The following OGA variants were observed in gnomAD, a reference collection of about 807,000 sequenced individuals.
The protein encoded by OGA is protein O-GlcNAcase.
OGA carries 21 observed loss-of-function variants against 102.0 expected under a neutral mutation model. That is an observed-to-expected ratio of 0.21 (90% CI 0.15 to 0.30). The LOEUF is 0.30. Ranked by LOEUF, OGA falls within the 10% of genes least tolerant of loss-of-function variation. The pLI is 1.00. For synonymous variants in OGA, 408 were observed against 378.2 expected, an observed-to-expected ratio of 1.08 and a Z score of -0.91; for missense variants, 765 against 1,107.8, an observed-to-expected ratio of 0.69 and a Z score of 4.39.
chr10:101,804,601 T>C (rs2065442324), intron 6 of OGA, among the ~76,000 whole-genome samples: 1 of 152,102 alleles, frequency 6.6e-6, no homozygotes, highest in African/African-American at 2.4e-5. Flanking sequence ...TAACAACGTT[T>C]CTTTTTCTGA....
intron 10 of OGA, chr10:101,797,605 T>A (rs1467066641): frequency 2.6e-6 from 1 of 380,586 alleles, no homozygotes; most frequent in African/African-American, 2.1e-5. Context: ...ATTAATGTTA[T>A]CAAGACACAG....
chr10:101,787,737 G>T, intron 14 of OGA: 3 of 493,534 alleles, frequency 6.1e-6, no homozygotes, highest in South Asian at 2.6e-5. Flanking sequence ...AGAGGGGCAG[G>T]CATTCTCCCT....
Position 101,792,867 on chromosome 10 carries a change from G to A in OGA, c.2147C>T (p.Thr716Ile). 4 of 1,610,784 alleles carry A rather than the reference G, an allele frequency of 2.5e-6. No homozygotes were observed. The highest frequency in any genetic ancestry group is 3.4e-6 in the Non-Finnish European group (4 of 1,176,994). The change falls in exon 12 of 16, where the codon ACT (threonine) becomes ATT (isoleucine). Residue 716 changes from threonine to isoleucine, a missense_variant. Transcript: ENST00000361464. ...PPLTPTSKVY[T>I]IRPYFPKDEA... ...ATCCTTAGGAAAATAAGGTCTGATAGTATAAACTTTGGAGGTAGGAGTCAG... is the reference window on the plus strand; with the variant it reads ...ATCCTTAGGAAAATAAGGTCTGATAATATAAACTTTGGAGGTAGGAGTCAG...
intron 1 of OGA, among the ~76,000 whole-genome samples, chr10:101,814,571 CAG>C (rs1459074718): frequency 1.3e-5 from 2 of 152,138 alleles, no homozygotes; most frequent in African/African-American, 4.8e-5. Context: ...GCCTAGGTGA[CAG>C]AGCAAAACTC....
chr10:101,808,766 G>A (rs1286788709), intron 4 of OGA, among the ~76,000 whole-genome samples: 2 of 152,016 alleles, frequency 1.3e-5, no homozygotes, highest in African/African-American at 2.4e-5. Context: ...TTAGGAGTTC[G>A]AGACCAGCCT....
chr10:101,812,099 G>T (rs2065565808), intron 3 of OGA, among the ~76,000 whole-genome samples: 1 of 152,124 alleles, frequency 6.6e-6, no homozygotes, highest in Non-Finnish European at 1.5e-5. Context: ...CAAATATCTT[G>T]TTAGCTATAT....
At chr10:101,793,000 A>C in intron 11 of OGA, 57 bp from the exon 12 acceptor site, 1 of 1,393,284 alleles carries the variant, frequency 7.2e-7, no homozygotes, top group Non-Finnish European at 1.0e-6. Flanking sequence ...CATTTTTTTA[A>C]ATGGGTGTGC....
intron 7 of OGA, 28 bp downstream of exon 7, chr10:101,803,707 G>T: frequency 6.3e-7 from 1 of 1,589,542 alleles, no homozygotes; most frequent in Non-Finnish European, 8.6e-7. Context: ...CTCCTCCCAA[G>T]GTGAAAGATC....
chr10:101,792,446 ACT>A (rs1491128492), intron 12 of OGA, among the ~76,000 whole-genome samples: 1 of 152,186 alleles, frequency 6.6e-6, no homozygotes, highest in Non-Finnish European at 1.5e-5. Context: ...TGGCCCTGTT[ACT>A]GTCTTTAAAC....
At chr10:101,812,698 C>A in intron 3 of OGA, 1 of 327,450 alleles carries the variant, frequency 3.1e-6, no homozygotes, top group South Asian at 3.3e-5. Flanking sequence ...GTACGTGCCT[C>A]ACTTGCCTTG....
chr10:101,802,729 C>CT (rs1564645771), intron 7 of OGA, among the ~76,000 whole-genome samples: 1 of 151,834 alleles, frequency 6.6e-6, no homozygotes, highest in African/African-American at 2.4e-5. Flanking sequence ...GAACATGCAT[C>CT]TGCCCCATGA....
rs756950865 is a variant in OGA at position 101,798,849 on chromosome 10, G to A, written c.1802C>T (p.Ser601Phe). 1 of 1,610,004 alleles carries A rather than the reference G, an allele frequency of 6.2e-7. No homozygotes were observed. ...TACATTAAACATACTCACTTTTTCA[G>A]AGTCTTTTCCTTTGCAATTGACACT... ...VVSVNCKGKDSEKIEEWRSRA... is the reference protein window; with the variant it reads ...VVSVNCKGKDFEKIEEWRSRA... Residue 601 changes from serine to phenylalanine, a missense_variant, in exon 9 of 16, where the codon TCT becomes TTT. By Grantham distance (155) the Ser-to-Phe change is radical (BLOSUM62 -2). Transcript: ENST00000361464.
Position 101,784,816 on chromosome 10 carries a change from AAG to A in OGA, c.*1633_*1634del, listed in dbSNP as rs1474042013. On this transcript the variant is annotated 3_prime_UTR_variant, in exon 16 of 16. Coordinates refer to ENST00000361464, the MANE Select transcript of OGA (RefSeq NM_012215.5). The stretch of plus-strand genomic sequence containing the variant: ...AAACTCAGCTGTCTTACTATCTGGT[AAG>A]AGTCTTCCCTTCATCTCAAGCCCTC... 1.3e-5 allele frequency: 2 copies of A among 152,248 alleles called. No individual in the cohort carries two copies. The highest frequency in any genetic ancestry group is 2.4e-5 in the African/African-American group (1 of 41,464). The allele number at this position is 152,248 out of a possible 1,614,324, so 9.4% of individuals were successfully genotyped here.
chr10:101,807,260 C>T (rs1246708378), intron 5 of OGA, among the ~76,000 whole-genome samples: 1 of 152,030 alleles, frequency 6.6e-6, no homozygotes, highest in Non-Finnish European at 1.5e-5. Flanking sequence ...ATGAAAGAAA[C>T]CAGAGGGGCA....
intron 14 of OGA, among the ~76,000 whole-genome samples, chr10:101,789,274 G>A (rs938370174): frequency 5.3e-5 from 8 of 152,180 alleles, no homozygotes; most frequent in African/African-American, 1.9e-4. Context: ...TGAGGAGGGC[G>A]GATCACCTGA....
chr10:101,814,712 C>T (rs1455338027), intron 1 of OGA, among the ~76,000 whole-genome samples: 1 of 152,192 alleles, frequency 6.6e-6, no homozygotes, highest in East Asian at 1.9e-4. Flanking sequence ...ATCTTAATTA[C>T]AGAGCAAAGA....
In OGA at chr10:101,802,413, C is replaced by T. The variant is rs953952874; in HGVS notation, c.1036+1322G>A. ...GAATGGCTGGGCGCGATGGCTCACGCCTGTAATCCCAGCACTTTGGGAAGC... is the reference window on the plus strand; with the variant it reads ...GAATGGCTGGGCGCGATGGCTCACGTCTGTAATCCCAGCACTTTGGGAAGC... On this transcript the variant is annotated intron_variant, in intron 7 of 15. Coordinates refer to ENST00000361464, the MANE Select transcript of OGA (RefSeq NM_012215.5). 4.6e-5 allele frequency among the ~76,000 whole-genome samples: 7 copies of T among 152,374 alleles called. 1 individual carries two copies. In the South Asian group the frequency reaches 1.0e-3, roughly 23 times the overall value.
intron 1 of OGA, among the ~76,000 whole-genome samples, chr10:101,816,605 CAATA>C (rs1179763447): frequency 2.0e-5 from 3 of 152,126 alleles, no homozygotes; most frequent in African/African-American, 7.2e-5. Flanking sequence ...GCACTCAAGC[CAATA>C]AATACAACGA....
rs547594452 is a variant in OGA, at chr10:101,794,831, G to A, written c.1985-833C>T. Among the ~76,000 whole-genome samples the A allele has an allele frequency of 7.9e-5, 12 of 152,278 alleles. No individual in the cohort carries two copies. In the South Asian group the frequency reaches 2.5e-3, roughly 32 times the overall value. ...AAGACATAAAGGCAAATGTTTGGAGGCCAAATCAAAATCACTTGCCTAGTC... is the reference window on the plus strand; with the variant it reads ...AAGACATAAAGGCAAATGTTTGGAGACCAAATCAAAATCACTTGCCTAGTC... On this transcript the variant is annotated intron_variant, in intron 10 of 15. Coordinates refer to ENST00000361464, the MANE Select transcript of OGA (RefSeq NM_012215.5).
Sources: allele counts gnomAD v4.1 joint callset (sites outside exome capture counted in the v4.1 genomes callset), GRCh38; gene constraint gnomAD v4.1.1; transcripts MANE v1.5; gene names NCBI Gene and HGNC (gene_info 2026-07-23, HGNC 2026-07-21).